Variants in CSNK1G1 observed in about 807,000 individuals in gnomAD.
CSNK1G1 encodes casein kinase 1 gamma 1, also known as casein kinase I isoform gamma-1.
In CSNK1G1, 22 loss-of-function variants were observed where a neutral mutation model predicts 59.6. The observed-to-expected ratio is 0.37, with a 90% CI of 0.26 to 0.53. The LOEUF is 0.53. Among genes scored for constraint, CSNK1G1 ranks in the 20% least tolerant of loss-of-function variants. The probability of loss-of-function intolerance (pLI) is 0.89; values close to 1 mark genes in which losing one functional copy is unlikely to be tolerated. For synonymous variants in CSNK1G1, 179 were observed against 177.1 expected, an observed-to-expected ratio of 1.01 and a Z score of -0.08; for missense variants, 384 against 519.5, an observed-to-expected ratio of 0.74 and a Z score of 2.54.
intron 3 of CSNK1G1, among the ~76,000 whole-genome samples, chr15:64,258,383 CAA>C (rs11364241): frequency 9.6e-5 from 12 of 124,782 alleles, no homozygotes; most frequent in African/African-American, 5.6e-5. Context: ...ACCCTGTCTC[CAA>C]AAAAAAAAAA....
intron 1 of CSNK1G1, among the ~76,000 whole-genome samples, chr15:64,344,768 C>T (rs1897856048): frequency 6.6e-6 from 1 of 152,170 alleles, no homozygotes; most frequent in African/African-American, 2.4e-5. Flanking sequence ...CAATCTTGAG[C>T]AAGTCACTTA....
At chr15:64,199,016 C>A (rs148477256) in intron 10 of CSNK1G1, among the ~76,000 whole-genome samples, 2 of 150,062 alleles carry the variant, frequency 1.3e-5, no homozygotes, top group Admixed American at 1.3e-4. Context: ...CAGAGGTGGG[C>A]AGATTGCTTG....
rs1334607897 is a variant in CSNK1G1, at chr15:64,214,452, A to G, written c.445-328T>C. Among the ~76,000 whole-genome samples, 1 of 152,228 alleles carries G rather than the reference A, an allele frequency of 6.6e-6. No homozygotes were observed. The highest frequency in any genetic ancestry group is 2.4e-5 in the African/African-American group (1 of 41,468). On this transcript the variant is annotated intron_variant, in intron 5 of 11. Transcript: ENST00000303052. The surrounding 1 kb of genome is among the most constrained non-coding windows in gnomAD (Gnocchi z 4.3). ...GCTACGTCAGAAAATTAAGCATTTG[A>G]GACAAAAGAAGTATTCCCAGGTAGG...
At chr15:64,252,848 G>C (rs1892166566) in intron 3 of CSNK1G1, among the ~76,000 whole-genome samples, 1 of 152,172 alleles carries the variant, frequency 6.6e-6, no homozygotes, top group African/African-American at 2.4e-5. Flanking sequence ...TAAACTGACA[G>C]TGTACTGGGC....
At chr15:64,233,546 T>C (rs2082575740) in intron 4 of CSNK1G1, among the ~76,000 whole-genome samples, 1 of 152,196 alleles carries the variant, frequency 6.6e-6, no homozygotes, top group African/African-American at 2.4e-5. Flanking sequence ...GCATTATATA[T>C]GAATATCTCT....
chr15:64,233,511 C>A (rs2082575416), intron 4 of CSNK1G1, among the ~76,000 whole-genome samples: 1 of 152,096 alleles, frequency 6.6e-6, no homozygotes, highest in Non-Finnish European at 1.5e-5. Context: ...AGGTCTGGCC[C>A]TAAAAGATAA....
chr15:64,205,208 G>C (rs560105835), intron 7 of CSNK1G1, among the ~76,000 whole-genome samples: 9 of 152,132 alleles, frequency 5.9e-5, no homozygotes, highest in African/African-American at 2.2e-4. Flanking sequence ...TAATGGATGA[G>C]TGGCTAGGAT....
At chr15:64,239,848 A>T (rs1225560062) in intron 4 of CSNK1G1, among the ~76,000 whole-genome samples, 1 of 152,218 alleles carries the variant, frequency 6.6e-6, no homozygotes, top group African/African-American at 2.4e-5. Context: ...TGAATTAAAT[A>T]AAAAGTACAA....
chr15:64,275,865 A>AT (rs534899822), intron 2 of CSNK1G1, among the ~76,000 whole-genome samples: 2 of 152,158 alleles, frequency 1.3e-5, no homozygotes, highest in African/African-American at 2.4e-5. Context: ...TTAAATCACA[A>AT]TTTTTTTAGT....
chr15:64,262,382 C>T (rs1003866684), intron 2 of CSNK1G1, among the ~76,000 whole-genome samples: 7 of 152,066 alleles, frequency 4.6e-5, no homozygotes, highest in East Asian at 1.9e-4. Context: ...TGAGTCCTGA[C>T]GGATGAACAG....
intron 1 of CSNK1G1, among the ~76,000 whole-genome samples, chr15:64,327,737 G>A (rs1249841074): frequency 6.7e-6 from 1 of 148,742 alleles, no homozygotes; most frequent in African/African-American, 2.5e-5. Context: ...AGCTACGGGA[G>A]GACATTCAAA....
chr15:64,217,468 T>C (rs1190251569), intron 4 of CSNK1G1, among the ~76,000 whole-genome samples: 4 of 152,202 alleles, frequency 2.6e-5, no homozygotes, highest in Non-Finnish European at 5.9e-5. Flanking sequence ...AAGTGCATTG[T>C]AAATATGAGG....
chr15:64,179,480 G>A (rs2081782984), intron 11 of CSNK1G1, among the ~76,000 whole-genome samples: 1 of 152,050 alleles, frequency 6.6e-6, no homozygotes, highest in Non-Finnish European at 1.5e-5. Flanking sequence ...CAAGACCCTG[G>A]GATATCCTGA....
intron 2 of CSNK1G1, among the ~76,000 whole-genome samples, chr15:64,263,691 T>C (rs1413503593): frequency 6.6e-6 from 1 of 152,146 alleles, no homozygotes; most frequent in Non-Finnish European, 1.5e-5. Context: ...CAGCCTTGTC[T>C]GGAGTGCTAA....
At position 64,254,277 on chromosome 15, in the gene CSNK1G1, G is replaced by C. The variant is rs557454068; in HGVS notation, c.223-2696C>G. Among the ~76,000 whole-genome samples, 9 of 152,208 alleles carry C rather than the reference G, an allele frequency of 5.9e-5. No homozygotes were observed. In the East Asian group the frequency reaches 1.3e-3, roughly 23 times the overall value. On this transcript the variant is annotated intron_variant, in intron 3 of 11. Coordinates refer to ENST00000303052, the MANE Select transcript of CSNK1G1 (RefSeq NM_022048.5). ...TTTAACAGATACAAAATTTCAGTTAGGGAAGATGAAAAAGTTCTGGAGATG... is the reference window on the plus strand; with the variant it reads ...TTTAACAGATACAAAATTTCAGTTACGGAAGATGAAAAAGTTCTGGAGATG...
Position 64,204,911 on chromosome 15 carries a change from G to A in CSNK1G1, c.804C>T (p.Asp268=), listed in dbSNP as rs749638954. The change falls in exon 8 of 12, where the codon GAC becomes GAT. Residue 268 remains aspartate, a synonymous_variant. Transcript: ENST00000303052. The part of the protein sequence containing the change: ...TLKERYQKIG[D]TKRNTPIEAL... ...CTTCAATGGGAGTATTCCTTTTGGT[G>A]TCACCAATTTTTTGATATCTCTCTT... The A allele has an allele frequency of 1.9e-6, 3 of 1,611,642 alleles. No homozygotes were observed. Among genetic ancestry groups the A allele is most frequent in the African/African-American group, 2.7e-5 (2 of 74,812 alleles).
At chr15:64,177,768 T>G (rs2081758520) in intron 11 of CSNK1G1, among the ~76,000 whole-genome samples, 1 of 152,136 alleles carries the variant, frequency 6.6e-6, no homozygotes, top group African/African-American at 2.4e-5. Context: ...GTATACACAT[T>G]TACCAAAATG....
At chr15:64,350,426 G>A (rs1046832374) in intron 1 of CSNK1G1, among the ~76,000 whole-genome samples, 10 of 152,034 alleles carry the variant, frequency 6.6e-5, no homozygotes, top group South Asian at 2.1e-4. Context: ...GCGTGAACCC[G>A]GGAGATGGAG....
intron 4 of CSNK1G1, among the ~76,000 whole-genome samples, chr15:64,250,932 T>A (rs1892045507): frequency 6.6e-6 from 1 of 152,236 alleles, no homozygotes; most frequent in African/African-American, 2.4e-5. Flanking sequence ...CAAAACATTT[T>A]TCTGGAAGCC....
Sources: allele counts gnomAD v4.1 joint callset (sites outside exome capture counted in the v4.1 genomes callset), GRCh38; gene constraint gnomAD v4.1.1; non-coding constraint Gnocchi (gnomAD v3.1); transcripts MANE v1.5; gene names NCBI Gene and HGNC (gene_info 2026-07-23, HGNC 2026-07-21).